Variants in SPIDR observed in about 807,000 individuals in gnomAD.
SPIDR encodes scaffold protein involved in DNA repair, also known as DNA repair-scaffolding protein.
In SPIDR, 93 loss-of-function variants were observed where a neutral mutation model predicts 104.6. The ratio of observed to expected loss-of-function variants is 0.89; its 90% CI spans 0.75 to 1.06. The LOEUF (loss-of-function observed/expected upper bound fraction) is 1.06, where lower values mean the gene tolerates loss of function less well. Ranked by LOEUF, SPIDR falls within the 50% of genes least tolerant of loss-of-function variation. The pLI is 0.00. For missense variants in SPIDR, 1,154 were observed against 1,111.2 expected (o/e 1.04, Z -0.55); for synonymous variants, 431 against 416.9 (o/e 1.03, Z -0.41).
chr8:47,554,335 G>A (rs1413070150), intron 8 of SPIDR, among the ~76,000 whole-genome samples: 1 of 152,194 alleles, frequency 6.6e-6, no homozygotes, highest in Non-Finnish European at 1.5e-5. Flanking sequence ...GTTCAGCTAT[G>A]CCCTGCCCCC....
At chr8:47,349,424 C>T (rs2052942024) in intron 5 of SPIDR, among the ~76,000 whole-genome samples, 1 of 152,212 alleles carries the variant, frequency 6.6e-6, no homozygotes, top group African/African-American at 2.4e-5. Flanking sequence ...GCTTGGGGGT[C>T]AGGGACCCCC....
rs1554684539 is a variant in SPIDR at position 47,426,086 on chromosome 8, A to G, written c.878-14237A>G. 4.7e-5 allele frequency among the ~76,000 whole-genome samples: 7 copies of G among 150,082 alleles called. No individual in the cohort carries two copies. In the South Asian group the frequency reaches 1.3e-3, roughly 27 times the overall value. ...GGTGAAACCCTGCCTCTACTACGAT[A>G]CAAAAAAAAAAAAAAATTAACCAGC... On this transcript the variant is annotated intron_variant, in intron 7 of 19. Transcript: ENST00000297423.
At chr8:47,273,988 T>C (rs1328611944) in intron 1 of SPIDR, among the ~76,000 whole-genome samples, 1 of 152,158 alleles carries the variant, frequency 6.6e-6, no homozygotes, top group Non-Finnish European at 1.5e-5. Flanking sequence ...CTCTAATCAC[T>C]TGGCCTTTTT....
At chr8:47,471,362 G>A (rs2075684625) in intron 8 of SPIDR, among the ~76,000 whole-genome samples, 1 of 144,762 alleles carries the variant, frequency 6.9e-6, no homozygotes. Context: ...TCAAAAATGA[G>A]CAAAGGACTA....
chr8:47,548,937 A>G (rs1337201925), intron 8 of SPIDR, among the ~76,000 whole-genome samples: 4 of 151,990 alleles, frequency 2.6e-5, no homozygotes, highest in Non-Finnish European at 1.5e-5. Flanking sequence ...ACCCCATGAC[A>G]TGTCCCAGTG....
At chr8:47,261,278 G>A (rs1431865873) in intron 1 of SPIDR, among the ~76,000 whole-genome samples, 1 of 152,232 alleles carries the variant, frequency 6.6e-6, no homozygotes, top group East Asian at 1.9e-4. Flanking sequence ...GCATATGTCC[G>A]CCTCGGGGGT....
intron 5 of SPIDR, among the ~76,000 whole-genome samples, chr8:47,331,984 T>TTTTA (rs2048787681): frequency 1.6e-5 from 1 of 63,828 alleles, no homozygotes; most frequent in Non-Finnish European, 3.0e-5. Flanking sequence ...TTTTTTTTTT[T>TTTTA]TTCTCTTTTT....
intron 7 of SPIDR, among the ~76,000 whole-genome samples, chr8:47,436,816 G>A (rs1826644708): frequency 6.6e-6 from 1 of 152,126 alleles, no homozygotes; most frequent in Admixed American, 6.5e-5. Flanking sequence ...AGCTTACCCT[G>A]CTTTTTTTTC....
chr8:47,454,950 A>G (rs1168830602), intron 8 of SPIDR, among the ~76,000 whole-genome samples: 2 of 152,130 alleles, frequency 1.3e-5, no homozygotes, highest in Non-Finnish European at 2.9e-5. Flanking sequence ...ATAAAACCCT[A>G]AGTAGTTCAT....
intron 10 of SPIDR, among the ~76,000 whole-genome samples, chr8:47,670,344 A>G (rs2075628777): frequency 6.6e-6 from 1 of 152,200 alleles, no homozygotes; most frequent in Non-Finnish European, 1.5e-5. Flanking sequence ...GTATACTTTT[A>G]TACCTGCTCT....
At chr8:47,640,677 T>TG (rs2068723392) in intron 10 of SPIDR, among the ~76,000 whole-genome samples, 2 of 20,178 alleles carry the variant, frequency 9.9e-5, no homozygotes, top group East Asian at 1.4e-3. Context: ...TTTGTTTGTT[T>TG]TTTGTTGTTG....
intron 8 of SPIDR, among the ~76,000 whole-genome samples, chr8:47,576,792 C>T (rs1283607134): frequency 6.6e-6 from 1 of 152,084 alleles, no homozygotes; most frequent in Non-Finnish European, 1.5e-5. Flanking sequence ...TCCATTATTG[C>T]CTTAAAATGC....
chr8:47,698,420 A>T (rs62539150), intron 11 of SPIDR, among the ~76,000 whole-genome samples: 1 of 152,028 alleles, frequency 6.6e-6, no homozygotes, highest in Non-Finnish European at 1.5e-5. Flanking sequence ...GCCCCCAGAC[A>T]ACTCTGCTTC....
At chr8:47,303,863 G>A (rs1420770884) in intron 5 of SPIDR, among the ~76,000 whole-genome samples, 1 of 152,122 alleles carries the variant, frequency 6.6e-6, no homozygotes, top group African/African-American at 2.4e-5. Context: ...TTTTAGTAGA[G>A]ACAGGGTTTC....
At chr8:47,488,329 A>T (rs1222748253) in intron 8 of SPIDR, among the ~76,000 whole-genome samples, 1 of 152,236 alleles carries the variant, frequency 6.6e-6, no homozygotes, top group Non-Finnish European at 1.5e-5. Flanking sequence ...GAATAGACCA[A>T]TAACAGGCTC....
chr8:47,356,697 A>G (rs2054618323), intron 5 of SPIDR, among the ~76,000 whole-genome samples: 1 of 152,072 alleles, frequency 6.6e-6, no homozygotes, highest in South Asian at 2.1e-4. Context: ...AGTGGAAAAC[A>G]TGATTGCACA....
At chr8:47,538,845 C>A (rs1241934529) in intron 8 of SPIDR, among the ~76,000 whole-genome samples, 1 of 142,186 alleles carries the variant, frequency 7.0e-6, no homozygotes, top group Non-Finnish European at 1.5e-5. Context: ...TTGGTTTTGC[C>A]TTTTTTCTTT....
At chr8:47,433,233 C>G (rs1460601776) in intron 7 of SPIDR, among the ~76,000 whole-genome samples, 2 of 152,170 alleles carry the variant, frequency 1.3e-5, no homozygotes, top group Non-Finnish European at 2.9e-5. Flanking sequence ...CTGTCACTCC[C>G]TAGATCCCAG....
chr8:47,281,219 T>A (rs2037713786), intron 2 of SPIDR, among the ~76,000 whole-genome samples: 1 of 152,210 alleles, frequency 6.6e-6, no homozygotes, highest in African/African-American at 2.4e-5. Flanking sequence ...CAAGGTATAA[T>A]CTTTTTGCTG....
Sources: allele counts gnomAD v4.1 joint callset (sites outside exome capture counted in the v4.1 genomes callset), GRCh38; gene constraint gnomAD v4.1.1; transcripts MANE v1.5; gene names NCBI Gene and HGNC (gene_info 2026-07-23, HGNC 2026-07-21).